Variants in MACROD2 observed in about 807,000 individuals in gnomAD.
MACROD2 encodes mono-ADP ribosylhydrolase 2.
A neutral mutation model predicts 70.4 loss-of-function variants in MACROD2; 36 were observed. The observed-to-expected ratio is 0.51, with a 90% CI of 0.39 to 0.68. The LOEUF is 0.68. Among genes scored for constraint, MACROD2 ranks in the 30% least tolerant of loss-of-function variants. The probability of loss-of-function intolerance (pLI) is 0.00; values close to 1 mark genes in which losing one functional copy is unlikely to be tolerated. For synonymous variants in MACROD2, 172 were observed against 178.8 expected (o/e 0.96, Z 0.30); for missense variants, 496 against 538.4 (o/e 0.92, Z 0.78).
chr20:15,361,379 A>G (rs1047688728), intron 6 of MACROD2, among the ~76,000 whole-genome samples: 2 of 152,210 alleles, frequency 1.3e-5, no homozygotes, highest in Admixed American at 1.3e-4. Context: ...TTGGCCATAC[A>G]TGTATGGATC....
intron 15 of MACROD2, among the ~76,000 whole-genome samples, chr20:16,011,780 G>T (rs1425413836): frequency 6.6e-6 from 1 of 152,218 alleles, no homozygotes; most frequent in Admixed American, 6.5e-5. Context: ...GGAGCTGCCT[G>T]TCAGGGGCTC....
intron 4 of MACROD2, among the ~76,000 whole-genome samples, chr20:14,661,216 AT>A (rs1338427245): frequency 6.6e-6 from 1 of 151,550 alleles, no homozygotes; most frequent in East Asian, 1.9e-4. Flanking sequence ...AACATCCATG[AT>A]TTTCTGACTT....
intron 3 of MACROD2, among the ~76,000 whole-genome samples, chr20:14,172,545 TCCACCTGCCTCGGCCTCCC>T (rs2148725244): frequency 6.6e-6 from 1 of 152,266 alleles, no homozygotes; most frequent in Admixed American, 6.5e-5. Flanking sequence ...CCTCAAGTGA[TCCACCTGCCTCGGCCTCCC>T]AAAATGCTGG....
At position 14,773,331 on chromosome 20, in the gene MACROD2, C is replaced by T. The variant is rs140146036; in HGVS notation, c.418+88372C>T. Among the ~76,000 whole-genome samples, 58 of 152,182 alleles carry T rather than the reference C, an allele frequency of 3.8e-4. No homozygotes were observed. In the East Asian group the frequency reaches 0.011, roughly 28 times the overall value. On this transcript the variant is annotated intron_variant, in intron 5 of 17. Transcript: ENST00000684519. ...GTAAGAAGCAACAAACATTTACTAT[C>T]AAGCAGTTTCTTTTTCTTTTTGAAC...
At chr20:14,804,474 T>A (rs1361926557) in intron 5 of MACROD2, among the ~76,000 whole-genome samples, 1 of 152,048 alleles carries the variant, frequency 6.6e-6, no homozygotes, top group Non-Finnish European at 1.5e-5. Context: ...CTGCCTATGA[T>A]AAATTGGGAA....
At chr20:15,517,422 G>C (rs191057663) in intron 8 of MACROD2, among the ~76,000 whole-genome samples, 10 of 152,212 alleles carry the variant, frequency 6.6e-5, no homozygotes, top group African/African-American at 2.4e-4. Context: ...TTCACCATTT[G>C]ATTTTTGTGT....
chr20:14,166,780 C>A (rs918724863), intron 3 of MACROD2, among the ~76,000 whole-genome samples: 2 of 152,104 alleles, frequency 1.3e-5, no homozygotes, highest in Admixed American at 6.6e-5. Context: ...GTTCCTCTCC[C>A]AATTCAGCCA....
chr20:14,327,030 A>G (rs2082747319), intron 3 of MACROD2: 2 of 1,613,612 alleles, frequency 1.2e-6, no homozygotes, highest in African/African-American at 1.3e-5. Context: ...GGGACAGGAA[A>G]AGCAGTCGGA....
chr20:14,472,541 A>G (rs2084542405), intron 3 of MACROD2, among the ~76,000 whole-genome samples: 1 of 152,186 alleles, frequency 6.6e-6, no homozygotes, highest in Non-Finnish European at 1.5e-5. Context: ...AATACATTGT[A>G]ATCACTTTTC....
At chr20:14,053,600 TACTTC>T (rs1248191586) in intron 2 of MACROD2, 7 of 152,242 alleles carry the variant, frequency 4.6e-5, no homozygotes, top group African/African-American at 1.7e-4. Flanking sequence ...CTTTGTAAGG[TACTTC>T]ACTTCCACTT....
chr20:14,827,528 T>C (rs1316597707), intron 5 of MACROD2, among the ~76,000 whole-genome samples: 1 of 152,120 alleles, frequency 6.6e-6, no homozygotes, highest in Non-Finnish European at 1.5e-5. Flanking sequence ...CTTTAGTCAC[T>C]TAATCAAAAA....
At chr20:15,191,201 A>T (rs1453572785) in intron 5 of MACROD2, among the ~76,000 whole-genome samples, 1 of 152,120 alleles carries the variant, frequency 6.6e-6, no homozygotes, top group Non-Finnish European at 1.5e-5. Context: ...GTACCTCAGA[A>T]TTGTCCCTAC....
intron 8 of MACROD2, among the ~76,000 whole-genome samples, chr20:15,698,508 C>G (rs997025159): frequency 6.6e-6 from 1 of 152,158 alleles, no homozygotes; most frequent in Admixed American, 6.5e-5. Context: ...TCTTAAAATT[C>G]TTTCCTTCGT....
intron 4 of MACROD2, among the ~76,000 whole-genome samples, chr20:14,651,338 A>G (rs1399458585): frequency 1.3e-5 from 2 of 152,142 alleles, no homozygotes; most frequent in African/African-American, 4.8e-5. Flanking sequence ...ACAGAGGGGA[A>G]ATTGGTGCCT....
intron 8 of MACROD2, among the ~76,000 whole-genome samples, chr20:15,858,336 AGG>A (rs2064381798): frequency 3.9e-5 from 6 of 152,158 alleles, no homozygotes; most frequent in African/African-American, 1.2e-4. Flanking sequence ...GCATTCTTAT[AGG>A]TTCTCATGAA....
intron 5 of MACROD2, among the ~76,000 whole-genome samples, chr20:14,773,046 A>G (rs1279742474): frequency 1.3e-5 from 2 of 151,998 alleles, no homozygotes; most frequent in African/African-American, 4.8e-5. Flanking sequence ...CCCACATTCA[A>G]GGTAGGATGA....
Position 15,000,406 on chromosome 20 carries a change from G to A in MACROD2, c.419-229534G>A, listed in dbSNP as rs543564676. On this transcript the variant is annotated intron_variant, in intron 5 of 17. Coordinates refer to ENST00000684519, the MANE Select transcript of MACROD2 (RefSeq NM_001351661.2). ...TGGGAGGCCGAGGCGGGTGGATCATGAGGTCAGGAGATCGAGACCATCCTG... is the reference window on the plus strand; with the variant it reads ...TGGGAGGCCGAGGCGGGTGGATCATAAGGTCAGGAGATCGAGACCATCCTG... Among the ~76,000 whole-genome samples the A allele has an allele frequency of 5.6e-3, 725 of 130,420 alleles. 28 individuals are homozygous for A. The highest frequency in any genetic ancestry group is 8.2e-3 in the Non-Finnish European group (525 of 64,226). The allele number at this position is 130,420 out of a possible 152,430, so 85.6% of individuals were successfully genotyped here.
At chr20:15,697,769 T>C (rs924568751) in intron 8 of MACROD2, among the ~76,000 whole-genome samples, 1 of 152,218 alleles carries the variant, frequency 6.6e-6, no homozygotes, top group Non-Finnish European at 1.5e-5. Context: ...AGGATAGTGA[T>C]ATTTTCCTGT....
At chr20:14,363,816 C>CAAAAAAAAAAAAA (rs569929488) in intron 3 of MACROD2, among the ~76,000 whole-genome samples, 4 of 71,560 alleles carry the variant, frequency 5.6e-5, no homozygotes, top group Admixed American at 2.1e-4. Context: ...GACTCTGTCT[C>CAAAAAAAAAAAAA]AAAAAAAAAA....
Sources: gnomAD v4.1 joint callset for allele counts (sites outside exome capture counted in the v4.1 genomes callset) on GRCh38, gnomAD v4.1.1 for gene constraint, MANE v1.5 for transcripts, NCBI Gene and HGNC (gene_info 2026-07-23, HGNC 2026-07-21) for gene names.